TMEM237: variants seen among roughly 807,000 people sequenced by gnomAD.
The protein encoded by TMEM237 is transmembrane protein 237, also known as amyotrophic lateral sclerosis 2 (juvenile) chromosome region, candidate 4.
Under a neutral mutation model 59.1 loss-of-function variants are expected in TMEM237, and 51 were observed. That is an observed-to-expected ratio of 0.86 (90% CI 0.69 to 1.09). The LOEUF (loss-of-function observed/expected upper bound fraction) is 1.09. TMEM237 is among the 50% of genes least tolerant of loss of function. The probability of loss-of-function intolerance (pLI) is 0.00; values close to 1 mark genes in which losing one functional copy is unlikely to be tolerated. For missense variants in TMEM237, 475 were observed against 478.3 expected (o/e 0.99, Z 0.06); for synonymous variants, 140 against 166.1 (o/e 0.84, Z 1.21).
Position 201,643,263 on chromosome 2 carries a change from A to T in TMEM237, c.42+96T>A. The T allele has an allele frequency of 8.3e-7, 1 of 1,202,440 alleles. No homozygotes were observed. The allele number at this position is 1,202,440 out of a possible 1,614,324, so 74.5% of individuals were successfully genotyped here. A position where few individuals can be genotyped will look rare whatever the true frequency, so the allele number is the denominator to read the frequency against. ...GCAAGGCCCTCCCTTAGTGATTCCCAGCTCGTTGGCGCCCCCCCACACACA... is the reference window on the plus strand; with the variant it reads ...GCAAGGCCCTCCCTTAGTGATTCCCTGCTCGTTGGCGCCCCCCCACACACA... On this transcript the variant is annotated intron_variant, in intron 1 of 12. Coordinates refer to ENST00000409883, the MANE Select transcript of TMEM237 (RefSeq NM_001044385.3). The surrounding 1 kb of genome is among the most constrained non-coding windows in gnomAD (Gnocchi z 4.3).
intron 1 of TMEM237, chr2:201,642,755 G>C (rs959957010): frequency 1.4e-6 from 2 of 1,453,330 alleles, no homozygotes; most frequent in Non-Finnish European, 1.8e-6. Flanking sequence ...CCCGCGCGCA[G>C]CGCCCTGCGG....
rs1339445466 is a variant in TMEM237 at position 201,621,407 on chromosome 2, T to A, written c.*2848A>T. ...TCTTAAAGAAATGAAAACTTAATGT[T>A]CACACAAAAACTTGCACATGAATGT... On this transcript the variant is annotated 3_prime_UTR_variant, in exon 13 of 13. Transcript: ENST00000409883. 2 of 152,160 alleles carry A rather than the reference T, an allele frequency of 1.3e-5. No individual in the cohort carries two copies. The highest frequency in any genetic ancestry group is 4.8e-5 in the African/African-American group (2 of 41,432). The allele number at this position is 152,160 out of a possible 1,614,324, so 9.4% of individuals were successfully genotyped here.
At chr2:201,625,391 T>G (rs1471794076) in intron 12 of TMEM237, among the ~76,000 whole-genome samples, 1 of 151,670 alleles carries the variant, frequency 6.6e-6, no homozygotes, top group Non-Finnish European at 1.5e-5. Flanking sequence ...AAAAAAGATA[T>G]TCAAGGGTAA....
Position 201,629,768 on chromosome 2 carries a change from G to C in TMEM237, c.638C>G (p.Thr213Ser), listed in dbSNP as rs1258434153. Residue 213 changes from threonine to serine, a missense_variant, in exon 8 of 13, where the codon ACC becomes AGC. Transcript: ENST00000409883. ...CACTGTAAGTGCCACATCTCTGGTGGTCCAGGAAGGCTTCACGTCCATTGA... is the reference window on the plus strand; with the variant it reads ...CACTGTAAGTGCCACATCTCTGGTGCTCCAGGAAGGCTTCACGTCCATTGA... Reference protein sequence around the residue: ...DVSMDVKPSWTTRDVALTVHR... With the variant: ...DVSMDVKPSWSTRDVALTVHR... 6.2e-6 allele frequency: 10 copies of C among 1,613,392 alleles called. No individual in the cohort carries two copies. Among genetic ancestry groups the C allele is most frequent in the Non-Finnish European group, 8.5e-6 (10 of 1,179,798 alleles).
chr2:201,624,214 G>A lies in TMEM237; in HGVS notation c.*41C>T. On this transcript the variant is annotated 3_prime_UTR_variant, in exon 13 of 13. Transcript: ENST00000409883. ...AAAATACATTTAAAAACAAAAATGGGACAAATACTGGGTCATTATTCCTCC... is the reference window on the plus strand; with the variant it reads ...AAAATACATTTAAAAACAAAAATGGAACAAATACTGGGTCATTATTCCTCC... 2.0e-6 allele frequency: 3 copies of A among 1,535,510 alleles called. No individual in the cohort carries two copies. Among genetic ancestry groups the A allele is most frequent in the Non-Finnish European group, 2.7e-6 (3 of 1,115,304 alleles).
At chr2:201,624,874 A>G (rs1351345716) in intron 12 of TMEM237, among the ~76,000 whole-genome samples, 2 of 152,232 alleles carry the variant, frequency 1.3e-5, no homozygotes, top group Non-Finnish European at 2.9e-5. Flanking sequence ...ATTTAGACTG[A>G]ATACTGCACA....
At chr2:201,639,770 T>C (rs760703767) in intron 3 of TMEM237, among the ~76,000 whole-genome samples, 16 of 152,006 alleles carry the variant, frequency 1.1e-4, no homozygotes, top group Non-Finnish European at 1.9e-4. Context: ...CACTCCAGCC[T>C]GGGCAACAGA....
chr2:201,631,922 G>A (rs1049216485), intron 7 of TMEM237, 129 bp downstream of exon 7: 3 of 929,036 alleles, frequency 3.2e-6, no homozygotes, highest in Non-Finnish European at 4.8e-6. Flanking sequence ...ATAGCATGAT[G>A]ACCAGTTTTG....
At position 201,643,417 on chromosome 2, in the gene TMEM237, G is replaced by A; in HGVS notation, c.-17C>T. The A allele has an allele frequency of 6.7e-7, 1 of 1,497,814 alleles. No individual in the cohort carries two copies. Among genetic ancestry groups the A allele is most frequent in the South Asian group, 1.3e-5 (1 of 79,182 alleles). 92.8% of individuals were successfully genotyped at this position (1,497,814 alleles called of 1,614,324 possible). On this transcript the variant is annotated 5_prime_UTR_variant, in exon 1 of 13. Coordinates refer to ENST00000409883, the MANE Select transcript of TMEM237 (RefSeq NM_001044385.3). This position sits in a 1 kb window ranked among gnomAD's most constrained non-coding sequence, Gnocchi z 4.3. ...AGTCCTCATGGTGCTCTCCCCGCGG[G>A]GCTGCCCCGGCGCAACCGCCGGCGG...
chr2:201,628,996 G>A (rs181704542), intron 9 of TMEM237, among the ~76,000 whole-genome samples: 1 of 152,156 alleles, frequency 6.6e-6, no homozygotes. Context: ...ACTATATTTG[G>A]ATGAAATTTT....
intron 6 of TMEM237, 65 bp downstream of exon 6, chr2:201,633,246 C>T (rs567945657): frequency 6.3e-5 from 95 of 1,506,916 alleles, no homozygotes; most frequent in Middle Eastern, 5.2e-4. Flanking sequence ...GCTACTGCTT[C>T]GGAGCTCCAA....
rs765077171 is a variant in TMEM237 at position 201,633,366 on chromosome 2, T to C, written c.340A>G (p.Ile114Val). The part of the protein sequence containing the change: ...SSSLLRNENG[I>V]DAEPAEEAVI... ...GCCTCCTCAGCTGGCTCCGCATCAA[T>C]ACCATTTTCATTTCGTAATAAAGAT... Residue 114 changes from isoleucine (I) to valine (V), a missense_variant, in exon 6 of 13, where the codon ATT becomes GTT. Coordinates refer to ENST00000409883, the MANE Select transcript of TMEM237 (RefSeq NM_001044385.3). The C allele has an allele frequency of 1.9e-6, 3 of 1,594,994 alleles. No homozygotes were observed. Among genetic ancestry groups the C allele is most frequent in the Admixed American group, 3.5e-5 (2 of 57,522 alleles).
chr2:201,642,093 G>A (rs1413410773), intron 1 of TMEM237, among the ~76,000 whole-genome samples: 1 of 152,170 alleles, frequency 6.6e-6, no homozygotes, highest in Non-Finnish European at 1.5e-5. Context: ...GAAAGGTGGG[G>A]GGAACCCTTC....
intron 9 of TMEM237, among the ~76,000 whole-genome samples, chr2:201,628,853 A>T (rs189376671): frequency 4.6e-5 from 7 of 152,210 alleles, no homozygotes; most frequent in Non-Finnish European, 8.8e-5. Flanking sequence ...CTCCAGACCC[A>T]TAAGAGAATA....
intron 10 of TMEM237, 30 bp downstream of exon 10, chr2:201,628,046 C>T (rs1957774619): frequency 2.0e-6 from 3 of 1,531,552 alleles, no homozygotes; most frequent in African/African-American, 2.7e-5. Flanking sequence ...TGAAGTATTA[C>T]ACAGTTATCA....
At chr2:201,626,624 G>A (rs370827923) in intron 11 of TMEM237, among the ~76,000 whole-genome samples, 3 of 150,694 alleles carry the variant, frequency 2.0e-5, no homozygotes, top group Admixed American at 6.6e-5. Flanking sequence ...GCTGGCCGCT[G>A]ATCTGCAGAT....
chr2:201,624,315 C>A lies in TMEM237; in HGVS notation c.1167G>T (p.Met389Ile). ...RPGMDLSEELMFSSEVEEYPD... is the reference protein window; with the variant it reads ...RPGMDLSEELIFSSEVEEYPD... The stretch of plus-strand genomic sequence containing the variant: ...GATATTCTTCCACCTCTGAGGAGAA[C>A]ATTAACTCTGGAGAAGAAAATGAAC... Residue 389 changes from methionine to isoleucine, a missense_variant, in exon 13 of 13, where the codon ATG (methionine) becomes ATT (isoleucine). Transcript: ENST00000409883. 1 of 1,610,936 alleles carries A rather than the reference C, an allele frequency of 6.2e-7. No homozygotes were observed. The highest frequency in any genetic ancestry group is 8.5e-7 in the Non-Finnish European group (1 of 1,178,310).
At chr2:201,642,002 G>A (rs1687435150) in intron 1 of TMEM237, among the ~76,000 whole-genome samples, 1 of 152,164 alleles carries the variant, frequency 6.6e-6, no homozygotes, top group South Asian at 2.1e-4. Context: ...GGAAACAAAT[G>A]GAGGTTTTAA....
chr2:201,631,935 T>C lies in TMEM237; in HGVS notation c.553+116A>G, dbSNP rs751717716. 2.7e-6 allele frequency: 3 copies of C among 1,104,370 alleles called. No individual in the cohort carries two copies. In the African/African-American group the frequency reaches 4.7e-5, roughly 17 times the overall value. 68.4% of individuals were successfully genotyped at this position (1,104,370 alleles called of 1,614,324 possible). On this transcript the variant is annotated intron_variant, in intron 7 of 12. Coordinates refer to ENST00000409883, the MANE Select transcript of TMEM237 (RefSeq NM_001044385.3). ...TCATAGCATGATGACCAGTTTTGTG[T>C]ATAAATTGTTGTACACAGTTTTGCT...
Sources: gnomAD v4.1 joint callset for allele counts (sites outside exome capture counted in the v4.1 genomes callset) on GRCh38, gnomAD v4.1.1 for gene constraint, Gnocchi (gnomAD v3.1) non-coding constraint, MANE v1.5 for transcripts, NCBI Gene and HGNC (gene_info 2026-07-23, HGNC 2026-07-21) for gene names.